PCGF6: variants seen among roughly 807,000 people sequenced by gnomAD.
The protein encoded by PCGF6 is polycomb group ring finger 6, also known as polycomb group RING finger protein 6.
In PCGF6, 24 loss-of-function variants were observed where a neutral mutation model predicts 45.5. The ratio of observed to expected loss-of-function variants is 0.53; its 90% CI spans 0.38 to 0.74. The LOEUF (loss-of-function observed/expected upper bound fraction) is 0.74. Ranked by LOEUF, PCGF6 falls within the 30% of genes least tolerant of loss-of-function variation. The pLI, the probability that PCGF6 is intolerant of heterozygous loss-of-function variation, is 0.00. For synonymous variants in PCGF6, 152 were observed against 162.1 expected, an observed-to-expected ratio of 0.94 and a Z score of 0.47; for missense variants, 356 against 443.2, an observed-to-expected ratio of 0.80 and a Z score of 1.77.
intron 1 of PCGF6, among the ~76,000 whole-genome samples, chr10:103,349,940 G>A (rs1288851591): frequency 1.3e-5 from 2 of 151,760 alleles, no homozygotes; most frequent in Non-Finnish European, 2.9e-5. Flanking sequence ...AAATAAGCCG[G>A]GCGTGGTGGC....
rs559525100 is a variant in PCGF6 at position 103,349,073 on chromosome 10, G to C, written c.361-74C>G. On this transcript the variant is annotated intron_variant, in intron 1 of 9. Transcript: ENST00000369847. ...AAATTCTTTTTTTTTTTTTGAGACAGAGTCTCACTCTGTAGCCCAAGCTGA... is the reference window on the plus strand; with the variant it reads ...AAATTCTTTTTTTTTTTTTGAGACACAGTCTCACTCTGTAGCCCAAGCTGA... 1.4e-4 allele frequency: 175 copies of C among 1,269,406 alleles called. No individual in the cohort carries two copies. In the African/African-American group the frequency reaches 2.4e-3, roughly 17 times the overall value. The allele number at this position is 1,269,406 out of a possible 1,614,324, so 78.6% of individuals were successfully genotyped here. A position where few individuals can be genotyped will look rare whatever the true frequency, so the allele number is the denominator to read the frequency against.
intron 7 of PCGF6, among the ~76,000 whole-genome samples, chr10:103,330,893 C>T (rs948621032): frequency 6.6e-6 from 1 of 152,200 alleles, no homozygotes; most frequent in African/African-American, 2.4e-5. Flanking sequence ...TGCGCCACTG[C>T]ACTCCAGCCT....
At chr10:103,335,597 G>A (rs2093253830) in intron 6 of PCGF6, among the ~76,000 whole-genome samples, 1 of 151,994 alleles carries the variant, frequency 6.6e-6, no homozygotes, top group East Asian at 2.0e-4. Flanking sequence ...TCTTGATCTC[G>A]TGATCTGCCC....
chr10:103,332,285 C>T (rs2093242946), intron 7 of PCGF6, among the ~76,000 whole-genome samples: 1 of 152,034 alleles, frequency 6.6e-6, no homozygotes, highest in African/African-American at 2.4e-5. Flanking sequence ...AATACTTTAT[C>T]TTTTCTGTTT....
chr10:103,345,940 C>T lies in PCGF6; in HGVS notation c.674-808G>A, dbSNP rs187784942. 1.3e-3 allele frequency among the ~76,000 whole-genome samples: 201 copies of T among 149,774 alleles called. 4 individuals are homozygous for T. The highest frequency in any genetic ancestry group is 0.013 in the Admixed American group (191 of 14,970). On this transcript the variant is annotated intron_variant, in intron 5 of 9. Transcript: ENST00000369847. ...AAGCAAGGTGGCTCATGCCAGTAAT[C>T]CCAGCACTTTGGGAGGCCGAGGTGG...
chr10:103,305,326 A>G (rs1189084654), intron 9 of PCGF6, among the ~76,000 whole-genome samples: 1 of 151,886 alleles, frequency 6.6e-6, no homozygotes, highest in Non-Finnish European at 1.5e-5. Flanking sequence ...GCTGGAGTGC[A>G]ATGGCGCAAT....
intron 6 of PCGF6, among the ~76,000 whole-genome samples, chr10:103,339,145 T>G (rs1331225596): frequency 6.6e-6 from 1 of 152,226 alleles, no homozygotes; most frequent in Non-Finnish European, 1.5e-5. Flanking sequence ...TGAGGTGCAG[T>G]GGCTCACGCC....
At chr10:103,330,470 A>G (rs752600564) in intron 7 of PCGF6, among the ~76,000 whole-genome samples, 53 of 152,192 alleles carry the variant, frequency 3.5e-4, no homozygotes, top group Non-Finnish European at 6.2e-4. Context: ...GTTTCTATCG[A>G]ATCTTGGCTT....
chr10:103,308,585 AT>A (rs1490012736), intron 9 of PCGF6, among the ~76,000 whole-genome samples: 1 of 151,440 alleles, frequency 6.6e-6, no homozygotes, highest in African/African-American at 2.4e-5. Context: ...TTAAGATTTA[AT>A]GAGAGCCAGG....
intron 9 of PCGF6, 146 bp from the exon 10 acceptor site, chr10:103,304,107 T>C: frequency 1.6e-6 from 1 of 641,778 alleles, no homozygotes; most frequent in Non-Finnish European, 2.7e-6. Context: ...GACCATATAG[T>C]TTCTTATTCA....
chr10:103,345,237 A>G, intron 5 of PCGF6, 105 bp from the exon 6 acceptor site: 2 of 769,540 alleles, frequency 2.6e-6, no homozygotes, highest in Non-Finnish European at 4.1e-6. Flanking sequence ...TATTTAAAAG[A>G]TCATAAACCA....
At chr10:103,333,569 G>C (rs1209103754) in intron 7 of PCGF6, among the ~76,000 whole-genome samples, 1 of 152,054 alleles carries the variant, frequency 6.6e-6, no homozygotes, top group African/African-American at 2.4e-5. Flanking sequence ...AATAATTGAA[G>C]TAACAAGTAG....
intron 7 of PCGF6, among the ~76,000 whole-genome samples, chr10:103,328,331 T>C (rs2093226945): frequency 6.6e-6 from 1 of 152,198 alleles, no homozygotes; most frequent in African/African-American, 2.4e-5. Flanking sequence ...CTTGAGAACT[T>C]TCCCAACTAA....
chr10:103,336,428 A>G (rs2093257620), intron 6 of PCGF6, among the ~76,000 whole-genome samples: 1 of 152,090 alleles, frequency 6.6e-6, no homozygotes. Context: ...GTTAAATTAT[A>G]TTATCTTAGA....
rs1232097038 is a variant in PCGF6, at chr10:103,347,438, C to G, written c.570G>C (p.Gln190His). ...QPLYNIRLDR[Q>H]LQDIVYKLVI... ...CTAATTTGTACACTATGTCTTGTAA[C>G]TGTCGGTCCAACCTAATAAAAGGAA... The change falls in exon 4 of 10, where the codon CAG (glutamine) becomes CAC (histidine). Residue 190 changes from glutamine (Q) to histidine (H), a missense_variant. Physicochemically the swap from Gln to His is conservative, Grantham distance 24 (BLOSUM62 0). This residue lies in a region of PCGF6 where 307 missense variants were observed against 350.1 expected (regional missense o/e 0.88). Coordinates refer to ENST00000369847, the MANE Select transcript of PCGF6 (RefSeq NM_001011663.2). The G allele has an allele frequency of 1.2e-6, 2 of 1,606,770 alleles. No homozygotes were observed. Among genetic ancestry groups the G allele is most frequent in the East Asian group, 4.5e-5 (2 of 44,792 alleles).
In PCGF6 at chr10:103,314,212, G is replaced by A; in HGVS notation, c.970C>T (p.Arg324Cys). The stretch of plus-strand genomic sequence containing the variant: ...TGCATTGCTGCATCACCTATTGCAC[G>A]TCGGATTTCCCTTAGAGTTTGATAC... ...EQYQTLREIR[R>C]AIGDAAMQDG... The change falls in exon 9 of 10, where the codon CGT (arginine) becomes TGT (cysteine). Residue 324 changes from arginine to cysteine, a missense_variant. Arg to Cys is a radical substitution (Grantham distance 180). Around this residue, in one of 2 missense-constraint regions of PCGF6, gnomAD observed 49 missense variants for 93.0 expected, o/e 0.53. Coordinates refer to ENST00000369847, the MANE Select transcript of PCGF6 (RefSeq NM_001011663.2). 3 of 1,605,474 alleles carry A rather than the reference G, an allele frequency of 1.9e-6. No homozygotes were observed. Among genetic ancestry groups the A allele is most frequent in the Non-Finnish European group, 2.6e-6 (3 of 1,173,912 alleles).
intron 7 of PCGF6, among the ~76,000 whole-genome samples, chr10:103,331,064 CATATA>C (rs1425601382): frequency 1.3e-5 from 2 of 152,154 alleles, no homozygotes; most frequent in Admixed American, 6.6e-5. Context: ...TAAATGAAAT[CATATA>C]ATATATGGAT....
At chr10:103,323,639 T>A (rs976069818) in intron 8 of PCGF6, among the ~76,000 whole-genome samples, 1 of 146,430 alleles carries the variant, frequency 6.8e-6, no homozygotes, top group Non-Finnish European at 1.5e-5. Flanking sequence ...GTCGCCCAGG[T>A]TGGAGTGCAG....
At chr10:103,329,774 GTTT>G (rs1564729875) in intron 7 of PCGF6, among the ~76,000 whole-genome samples, 2 of 151,226 alleles carry the variant, frequency 1.3e-5, no homozygotes, top group Non-Finnish European at 3.0e-5. Context: ...TGCCCGGCCA[GTTT>G]TTTTGTTGTT....
Sources: allele counts gnomAD v4.1 joint callset (sites outside exome capture counted in the v4.1 genomes callset), GRCh38; gene constraint gnomAD v4.1.1; regional missense constraint gnomAD v4.1.1; transcripts MANE v1.5; gene names NCBI Gene and HGNC (gene_info 2026-07-23, HGNC 2026-07-21).